The following USP34 variants were observed in gnomAD, a reference collection of about 807,000 sequenced individuals.
USP34 encodes the protein ubiquitin specific peptidase 34.
Under a neutral mutation model 460.3 loss-of-function variants are expected in USP34, and 70 were observed. The observed-to-expected ratio is 0.15, with a 90% CI of 0.13 to 0.19. USP34 has a LOEUF of 0.19. Among genes scored for constraint, USP34 ranks in the 10% least tolerant of loss-of-function variants. The pLI is 1.00. For synonymous variants in USP34, 1,647 were observed against 1,405.3 expected (o/e 1.17, Z -3.85); for missense variants, 3,985 against 4,236.2 (o/e 0.94, Z 1.65).
chr2:61,387,097 G>C (rs1693170471), intron 5 of USP34, among the ~76,000 whole-genome samples: 1 of 152,068 alleles, frequency 6.6e-6, no homozygotes, highest in Non-Finnish European at 1.5e-5. Context: ...GATTTAAACA[G>C]GTACTTCGCA....
At position 61,283,234 on chromosome 2, in the gene USP34, C is replaced by T. The variant is rs1163992690; in HGVS notation, c.4909G>A (p.Ala1637Thr). The T allele has an allele frequency of 3.7e-6, 6 of 1,613,246 alleles. No homozygotes were observed. In the African/African-American group the frequency reaches 4.0e-5, roughly 11 times the overall value. Residue 1637 changes from alanine to threonine, a missense_variant, in exon 37 of 80, where the codon GCT becomes ACT. Transcript: ENST00000398571. ...HYSMWLLVSWAHCCSLVKSSL... is the reference protein window; with the variant it reads ...HYSMWLLVSWTHCCSLVKSSL... ...GATTTCACTAAAGAACAGCAATGAG[C>T]CCAACTCACCAAGAGCCACATTGAA...
At chr2:61,369,025 A>C (rs1692524921) in intron 10 of USP34, among the ~76,000 whole-genome samples, 1 of 152,218 alleles carries the variant, frequency 6.6e-6, no homozygotes, top group African/African-American at 2.4e-5. Context: ...AAATATGAAC[A>C]ATTCCAGAAA....
chr2:61,242,348 T>C (rs941283661), intron 51 of USP34, among the ~76,000 whole-genome samples: 3 of 151,856 alleles, frequency 2.0e-5, no homozygotes, highest in Admixed American at 6.6e-5. Context: ...GCAGATGAAA[T>C]GGTTTTGTCA....
At chr2:61,398,196 C>A (rs576345872) in intron 3 of USP34, among the ~76,000 whole-genome samples, 2 of 152,112 alleles carry the variant, frequency 1.3e-5, no homozygotes, top group African/African-American at 4.8e-5. Context: ...GAGACCCAAT[C>A]TCTATTAAAA....
At position 61,344,034 on chromosome 2, in the gene USP34, A is replaced by G. The variant is rs1691684915; in HGVS notation, c.2286-5T>C. The G allele has an allele frequency of 6.2e-7, 1 of 1,610,952 alleles. No homozygotes were observed. The highest frequency in any genetic ancestry group is 8.5e-7 in the Non-Finnish European group (1 of 1,177,926). ...AGCATATCATCAACCATATGCCTAC[A>G]AAACAGAGAAAAGCACAAAGTTAGT... is the stretch of plus-strand genomic sequence containing the variant. On this transcript the variant is annotated splice_region_variant and splice_polypyrimidine_tract_variant and intron_variant, in intron 15 of 79. Transcript: ENST00000398571.
chr2:61,373,297 G>A (rs577101793), intron 8 of USP34, among the ~76,000 whole-genome samples: 1 of 150,442 alleles, frequency 6.6e-6, no homozygotes, highest in Non-Finnish European at 1.5e-5. Context: ...AGCAAAATGA[G>A]ATGTAAAACA....
At position 61,339,637 on chromosome 2, in the gene USP34, C is replaced by A. The variant is rs1691524743; in HGVS notation, c.2545G>T (p.Asp849Tyr). The A allele has an allele frequency of 6.4e-7, 1 of 1,571,542 alleles. No individual in the cohort carries two copies. Among genetic ancestry groups the A allele is most frequent in the South Asian group, 1.2e-5 (1 of 81,486 alleles). The change falls in exon 17 of 80, where the codon GAC (aspartate) becomes TAC (tyrosine). Residue 849 changes from aspartate (D) to tyrosine (Y), a missense_variant. Around this residue, in one of 14 missense-constraint regions of USP34, gnomAD observed 716 missense variants for 626.2 expected, o/e 1.14. Coordinates refer to ENST00000398571, the MANE Select transcript of USP34 (RefSeq NM_014709.4). ...KHQFNSNAVT[D>Y]INLDNVCKKG... Reference sequence around the variant, plus strand: ...TTGCAAACATTATCCAAATTAATGTCTGTAACAGCATTACTGTTGAATTGA... The same window carrying A: ...TTGCAAACATTATCCAAATTAATGTATGTAACAGCATTACTGTTGAATTGA...
intron 2 of USP34, among the ~76,000 whole-genome samples, chr2:61,420,403 A>AC (rs1432494892): frequency 1.3e-5 from 2 of 152,186 alleles, no homozygotes; most frequent in Admixed American, 1.3e-4. Flanking sequence ...AGTATCCCCT[A>AC]CCACAATGAC....
rs150371764 is a variant in USP34 at position 61,249,834 on chromosome 2, C to G, written c.6222-1151G>C. On this transcript the variant is annotated intron_variant, in intron 48 of 79. Coordinates refer to ENST00000398571, the MANE Select transcript of USP34 (RefSeq NM_014709.4). Reference sequence around the variant, plus strand: ...ACATGGAAAAAGTACTACTAGATGCCCAGCATGAGTCTGGACAGAATATCT... The same window carrying G: ...ACATGGAAAAAGTACTACTAGATGCGCAGCATGAGTCTGGACAGAATATCT... The G allele has an allele frequency of 3.5e-3, 550 of 155,476 alleles. 2 individuals are homozygous for G. Among genetic ancestry groups the G allele is most frequent in the Middle Eastern group, 0.014 (7 of 516 alleles). 9.6% of individuals were successfully genotyped at this position (155,476 alleles called of 1,614,324 possible).
chr2:61,370,470 C>G (rs2103836965), intron 9 of USP34, 28 bp downstream of exon 9: 1 of 1,611,384 alleles, frequency 6.2e-7, no homozygotes. Context: ...ATCAATAGAA[C>G]AGAGAAGTTA....
rs1572920780 is a variant in USP34 at position 61,308,634 on chromosome 2, A to ATGT, written c.3817+2905_3817+2906insACA. 2.6e-5 allele frequency among the ~76,000 whole-genome samples: 4 copies of ATGT among 152,314 alleles called. No homozygotes were observed. In the East Asian group the frequency reaches 7.7e-4, roughly 29 times the overall value. ...CCAAACTGAAAGGGTCCAGTGCTAAATACCTAAACATGTAAATACTGAAGC... is the reference window on the plus strand; with the variant it reads ...CCAAACTGAAAGGGTCCAGTGCTAAATGTTACCTAAACATGTAAATACTGAAGC... On this transcript the variant is annotated intron_variant, in intron 27 of 79. Coordinates refer to ENST00000398571, the MANE Select transcript of USP34 (RefSeq NM_014709.4).
chr2:61,419,832 C>T (rs531309552), intron 2 of USP34, among the ~76,000 whole-genome samples: 1 of 152,294 alleles, frequency 6.6e-6, no homozygotes, highest in South Asian at 2.1e-4. Flanking sequence ...TCTAGTCCAT[C>T]CCTAATGCAA....
intron 16 of USP34, among the ~76,000 whole-genome samples, chr2:61,342,052 C>T (rs1691620020): frequency 6.6e-6 from 1 of 152,074 alleles, no homozygotes; most frequent in African/African-American, 2.4e-5. Flanking sequence ...TGTGAGCCAC[C>T]GCACCAGGCG....
At chr2:61,350,200 ATTTC>A in intron 12 of USP34, 56 bp downstream of exon 12, 1 of 1,512,674 alleles carries the variant, frequency 6.6e-7, no homozygotes, top group Non-Finnish European at 8.9e-7. Flanking sequence ...AGCAGAAAAT[ATTTC>A]AAATCTGAGT....
intron 51 of USP34, among the ~76,000 whole-genome samples, chr2:61,244,880 A>G (rs532553459): frequency 1.3e-5 from 2 of 152,172 alleles, no homozygotes; most frequent in African/African-American, 4.8e-5. Context: ...TTAAGTCAGT[A>G]AACAGTAATT....
chr2:61,394,943 G>A lies in USP34; in HGVS notation c.663C>T (p.Gly221=). 2 of 1,607,640 alleles carry A rather than the reference G, an allele frequency of 1.2e-6. No homozygotes were observed. Among genetic ancestry groups the A allele is most frequent in the Non-Finnish European group, 1.7e-6 (2 of 1,177,818 alleles). The change falls in exon 5 of 80, where the codon GGC becomes GGT. Residue 221 remains glycine (G), a synonymous_variant. Coordinates refer to ENST00000398571, the MANE Select transcript of USP34 (RefSeq NM_014709.4). The part of the protein sequence containing the change: ...RYVCLFCGKN[G]LSLMKDCFEY... ...CAAAGCAATCCTTCATGAGAGAAAG[G>A]CCATTTTTCCCACAAAACAAACATA...
At chr2:61,444,888 C>T (rs1258510555) in intron 1 of USP34, among the ~76,000 whole-genome samples, 1 of 145,636 alleles carries the variant, frequency 6.9e-6, no homozygotes, top group Middle Eastern at 3.3e-3. Flanking sequence ...CTTATCGTTT[C>T]TTTCTTGCCT....
chr2:61,217,721 G>A (rs1332453865), intron 67 of USP34, among the ~76,000 whole-genome samples: 3 of 152,134 alleles, frequency 2.0e-5, no homozygotes. Flanking sequence ...TTGGGAGGCC[G>A]AGGTGGGTGG....
At chr2:61,225,756 CTTTGT>C (rs1425307158) in intron 62 of USP34, among the ~76,000 whole-genome samples, 1 of 152,138 alleles carries the variant, frequency 6.6e-6, no homozygotes, top group African/African-American at 2.4e-5. Context: ...GATACATTTA[CTTTGT>C]TTTATGAGTG....
Sources: allele counts gnomAD v4.1 joint callset (sites outside exome capture counted in the v4.1 genomes callset), GRCh38; gene constraint gnomAD v4.1.1; regional missense constraint gnomAD v4.1.1; transcripts MANE v1.5; gene names NCBI Gene and HGNC (gene_info 2026-07-23, HGNC 2026-07-21).